The following C1orf52 variants were observed in gnomAD, a reference collection of about 807,000 sequenced individuals.
C1orf52 encodes the protein chromosome 1 open reading frame 52, also known as UPF0690 protein C1orf52.
In C1orf52, 5 loss-of-function variants were observed where a neutral mutation model predicts 17.2. That is an observed-to-expected ratio of 0.29 (90% CI 0.15 to 0.61). C1orf52 has a LOEUF of 0.61. C1orf52 is among the 20% of genes least tolerant of loss of function. The probability of loss-of-function intolerance (pLI) is 0.85; values close to 1 mark genes in which losing one functional copy is unlikely to be tolerated. For synonymous variants in C1orf52, 110 were observed against 88.0 expected, an observed-to-expected ratio of 1.25 and a Z score of -1.40; for missense variants, 245 against 234.1, an observed-to-expected ratio of 1.05 and a Z score of -0.30.
chr1:85,258,695 A>T lies in C1orf52; in HGVS notation c.304T>A (p.Ser102Thr). The change falls in exon 2 of 3, where the codon TCA becomes ACA. Residue 102 changes from serine to threonine, a missense_variant. Transcript: ENST00000471115. ...EPPKEFKIWK[S>T]NYVPPPETYT... The stretch of plus-strand genomic sequence containing the variant: ...GTCTCAGGAGGTGGTACATAATTTG[A>T]CTTCCATATTTTGAATTCCTTTGGA... The T allele has an allele frequency of 6.2e-7, 1 of 1,611,212 alleles. No individual in the cohort carries two copies. Among genetic ancestry groups the T allele is most frequent in the South Asian group, 1.1e-5 (1 of 90,954 alleles).
chr1:85,258,411 C>CT (rs2100734982), intron 2 of C1orf52, 113 bp downstream of exon 2: 1 of 1,028,952 alleles, frequency 9.7e-7, no homozygotes, highest in East Asian at 2.4e-5. Context: ...CAAAGACCAT[C>CT]AAATTAGTTT....
chr1:85,251,168 T>TG lies in C1orf52; in HGVS notation c.*1460dup, dbSNP rs1435423336. 6.6e-5 allele frequency: 10 copies of TG among 152,264 alleles called. No homozygotes were observed. The East Asian group carries it at 1.9e-3, about 29-fold the overall frequency. 9.4% of individuals were successfully genotyped at this position (152,264 alleles called of 1,614,324 possible). A position where few individuals can be genotyped will look rare whatever the true frequency, so the allele number is the denominator to read the frequency against. ...ATTGTTCAAATTTTATCTTCCACAA[T>TG]GGGGAAAAACAGATTTAAAAAAAAA... On this transcript the variant is annotated 3_prime_UTR_variant, in exon 3 of 3. Transcript: ENST00000471115.
At chr1:85,255,472 C>G (rs1191624746) in intron 2 of C1orf52, among the ~76,000 whole-genome samples, 1 of 151,824 alleles carries the variant, frequency 6.6e-6, no homozygotes, top group Non-Finnish European at 1.5e-5. Flanking sequence ...ATCGCTTGAA[C>G]CCGGGAGGCG....
rs538851427 is a variant in C1orf52, at chr1:85,250,412, C to T, written c.*2217G>A. 3 of 152,326 alleles carry T rather than the reference C, an allele frequency of 2.0e-5. No homozygotes were observed. Among genetic ancestry groups the T allele is most frequent in the Admixed American group, 2.0e-4 (3 of 15,308 alleles). The allele number at this position is 152,326 out of a possible 1,614,324, so 9.4% of individuals were successfully genotyped here. ...CTTTTCCCCACTAGGTTTCCACTAGCTCAACCAAACTTCACCTCAGTACCC... is the reference window on the plus strand; with the variant it reads ...CTTTTCCCCACTAGGTTTCCACTAGTTCAACCAAACTTCACCTCAGTACCC... On this transcript the variant is annotated 3_prime_UTR_variant, in exon 3 of 3. Coordinates refer to ENST00000471115, the MANE Select transcript of C1orf52 (RefSeq NM_198077.4).
chr1:85,253,347 T>C (rs1010646005), intron 2 of C1orf52, among the ~76,000 whole-genome samples: 17 of 152,158 alleles, frequency 1.1e-4, no homozygotes, highest in Non-Finnish European at 2.5e-4. Context: ...CAGCTGTCCT[T>C]TTCCTTTCAA....
Position 85,252,371 on chromosome 1 carries a change from C to G in C1orf52, c.*258G>C. The G allele has an allele frequency of 4.7e-6, 2 of 421,272 alleles. No homozygotes were observed. The highest frequency in any genetic ancestry group is 4.1e-5 in the African/African-American group (2 of 48,450). The allele number at this position is 421,272 out of a possible 1,614,324, so 26.1% of individuals were successfully genotyped here. A position where few individuals can be genotyped will look rare whatever the true frequency, so the allele number is the denominator to read the frequency against. On this transcript the variant is annotated 3_prime_UTR_variant, in exon 3 of 3. Coordinates refer to ENST00000471115, the MANE Select transcript of C1orf52 (RefSeq NM_198077.4). ...ATGTGACAAAACTCTCAAAGCATGT[C>G]ACCAATTCTGTGAGAGCAAGAATGC...
At chr1:85,257,594 G>A (rs1659975859) in intron 2 of C1orf52, 2 of 648,270 alleles carry the variant, frequency 3.1e-6, no homozygotes, top group African/African-American at 3.7e-5. Context: ...ACGACTTTTA[G>A]AAACTCAACA....
Position 85,259,613 on chromosome 1 carries a change from G to A in C1orf52, c.21C>T (p.Asp7=), listed in dbSNP as rs762047378. Residue 7 remains aspartate (D), a synonymous_variant, in exon 1 of 3, where the codon GAC becomes GAT. Coordinates refer to ENST00000471115, the MANE Select transcript of C1orf52 (RefSeq NM_198077.4). Reference sequence around the variant, plus strand: ...CGTATGCCGCAAAATAGCTCAGAGGGTCCTTCTCCTCCGCTGCCATGACGG... The same window carrying A: ...CGTATGCCGCAAAATAGCTCAGAGGATCCTTCTCCTCCGCTGCCATGACGG... The part of the protein sequence containing the change: MAAEEK[D]PLSYFAAYGS... 5.2e-5 allele frequency: 82 copies of A among 1,569,954 alleles called. No homozygotes were observed. The highest frequency in any genetic ancestry group is 7.0e-5 in the Non-Finnish European group (81 of 1,157,918).
intron 2 of C1orf52, among the ~76,000 whole-genome samples, chr1:85,256,187 A>G (rs1659931971): frequency 2.6e-5 from 4 of 152,172 alleles, no homozygotes; most frequent in Admixed American, 2.6e-4. Flanking sequence ...ATAAGGCATA[A>G]TTTCTATTTA....
chr1:85,250,433 T>A lies in C1orf52; in HGVS notation c.*2196A>T, dbSNP rs768414470. 1 of 152,232 alleles carries A rather than the reference T, an allele frequency of 6.6e-6. No homozygotes were observed. Among genetic ancestry groups the A allele is most frequent in the Non-Finnish European group, 1.5e-5 (1 of 68,070 alleles). The allele number at this position is 152,232 out of a possible 1,614,324, so 9.4% of individuals were successfully genotyped here. ...CTAGCTCAACCAAACTTCACCTCAG[T>A]ACCCACATGGACACTTGTGCAAACA... On this transcript the variant is annotated 3_prime_UTR_variant, in exon 3 of 3. Transcript: ENST00000471115.
chr1:85,252,982 C>T (rs11161569), intron 2 of C1orf52, among the ~76,000 whole-genome samples: 10,973 of 152,118 alleles, frequency 0.072, 480 homozygotes, highest in East Asian at 0.14. Flanking sequence ...CTTTACTTCC[C>T]CCAAATCAGA....
chr1:85,259,066 A>T, intron 1 of C1orf52: 2 of 1,146,878 alleles, frequency 1.7e-6, no homozygotes. Flanking sequence ...GAGAAGCTGC[A>T]GCGGGGGGGG....
In C1orf52 at chr1:85,252,670, G is replaced by A. The variant is rs750091650; in HGVS notation, c.508C>T (p.Arg170Cys). ...DEKDEHTSKK[R>C]KVEPGEPAKK... ...GCTGGTTCTCCTGGCTCTACTTTGC[G>A]CTTTTTAGAAGTATGCTCATCTTTT... is the stretch of plus-strand genomic sequence containing the variant. Residue 170 changes from arginine (R) to cysteine (C), a missense_variant, in exon 3 of 3, where the codon CGC becomes TGC. Transcript: ENST00000471115. 1.2e-5 allele frequency: 19 copies of A among 1,612,966 alleles called. No homozygotes were observed. Among genetic ancestry groups the A allele is most frequent in the Middle Eastern group, 1.6e-4 (1 of 6,076 alleles).
chr1:85,256,560 G>A (rs1160865299), intron 2 of C1orf52, among the ~76,000 whole-genome samples: 1 of 152,090 alleles, frequency 6.6e-6, no homozygotes, highest in Non-Finnish European at 1.5e-5. Flanking sequence ...AGCACTTTGG[G>A]AGGCCAAGGC....
chr1:85,257,624 G>C (rs575701018), intron 2 of C1orf52, among the ~76,000 whole-genome samples: 2 of 152,196 alleles, frequency 1.3e-5, no homozygotes, highest in African/African-American at 4.8e-5. Flanking sequence ...GTGAAGGATG[G>C]TACAGATTGG....
intron 2 of C1orf52, among the ~76,000 whole-genome samples, chr1:85,257,233 C>G (rs567093298): frequency 2.0e-5 from 3 of 152,308 alleles, no homozygotes; most frequent in African/African-American, 7.2e-5. Context: ...AGCAGACAGA[C>G]TTTTAAAAAA....
rs56308033 is a variant in C1orf52, at chr1:85,255,549, C to CAA, written c.476-2849_476-2848dup. The stretch of plus-strand genomic sequence containing the variant: ...TGGGCGACAGAGCGAGACTCCATCT[C>CAA]AAAAAAAAAAAAAAACCCGAAGGGC... On this transcript the variant is annotated intron_variant, in intron 2 of 2. Coordinates refer to ENST00000471115, the MANE Select transcript of C1orf52 (RefSeq NM_198077.4). 6.4e-3 allele frequency among the ~76,000 whole-genome samples: 812 copies of CAA among 126,348 alleles called. 7 individuals are homozygous for CAA. The highest frequency in any genetic ancestry group is 0.023 in the African/African-American group (773 of 34,238). The allele number at this position is 126,348 out of a possible 152,430, so 82.9% of individuals were successfully genotyped here.
rs1660003562 is a variant in C1orf52 at position 85,258,568 on chromosome 1, T to A, written c.431A>T (p.Lys144Met). The change falls in exon 2 of 3, where the codon AAG (lysine) becomes ATG (methionine). Residue 144 changes from lysine (K) to methionine (M), a missense_variant. By Grantham distance (95) the Lys-to-Met change is moderately conservative. Coordinates refer to ENST00000471115, the MANE Select transcript of C1orf52 (RefSeq NM_198077.4). ...CCCTTCTGGTAGAAGCCTAGCTTTC[T>A]TAGCATTCTGTGGAGCATCATCACC... ...DNGDDAPQNA[K>M]KARLLPEGEE... 2 of 1,614,240 alleles carry A rather than the reference T, an allele frequency of 1.2e-6. No homozygotes were observed. The highest frequency in any genetic ancestry group is 4.5e-5 in the East Asian group (2 of 44,896).
At chr1:85,253,251 T>A (rs937924544) in intron 2 of C1orf52, among the ~76,000 whole-genome samples, 1 of 152,224 alleles carries the variant, frequency 6.6e-6, no homozygotes, top group African/African-American at 2.4e-5. Flanking sequence ...TAAAATACAA[T>A]CAATGCTTTG....
Sources: allele counts gnomAD v4.1 joint callset (sites outside exome capture counted in the v4.1 genomes callset), GRCh38; gene constraint gnomAD v4.1.1; transcripts MANE v1.5; gene names NCBI Gene and HGNC (gene_info 2026-07-23, HGNC 2026-07-21).